The following KCNMB2 variants were observed in gnomAD, a reference collection of about 807,000 sequenced individuals.
KCNMB2 encodes the protein calcium-activated potassium channel subunit beta-2.
KCNMB2 carries 9 observed loss-of-function variants against 24.5 expected under a neutral mutation model. The ratio of observed to expected loss-of-function variants is 0.37; its 90% confidence interval spans 0.22 to 0.64. KCNMB2 has a LOEUF of 0.64. Ranked by LOEUF, KCNMB2 falls within the 30% of genes least tolerant of loss-of-function variation. The pLI, the probability that KCNMB2 is intolerant of heterozygous loss-of-function variation, is 0.63. For synonymous variants in KCNMB2, 109 were observed against 104.4 expected, an observed-to-expected ratio of 1.04 and a Z score of -0.27; for missense variants, 226 against 284.3, an observed-to-expected ratio of 0.79 and a Z score of 1.47.
chr3:178,616,008 C>A (rs2108521690), intron 1 of KCNMB2, among the ~76,000 whole-genome samples: 1 of 152,188 alleles, frequency 6.6e-6, no homozygotes, highest in Admixed American at 6.5e-5. Context: ...CTGACTGGTG[C>A]CTTATCTTGC....
At chr3:178,788,178 A>C (rs781055685) in intron 1 of KCNMB2, among the ~76,000 whole-genome samples, 5 of 152,186 alleles carry the variant, frequency 3.3e-5, no homozygotes, top group Non-Finnish European at 7.3e-5. Context: ...TAGGAGGAAC[A>C]CATGAGTTAT....
intron 1 of KCNMB2, among the ~76,000 whole-genome samples, chr3:178,725,942 T>A (rs1243547450): frequency 6.6e-6 from 1 of 151,994 alleles, no homozygotes; most frequent in Non-Finnish European, 1.5e-5. Flanking sequence ...TTGCTTTTAA[T>A]ATAATTATTA....
At chr3:178,824,397 T>C (rs1265877691) in intron 2 of KCNMB2, among the ~76,000 whole-genome samples, 1 of 152,046 alleles carries the variant, frequency 6.6e-6, no homozygotes, top group Admixed American at 6.6e-5. Context: ...AGATGGAGAC[T>C]CGCTCTTTCA....
intron 1 of KCNMB2, among the ~76,000 whole-genome samples, chr3:178,616,794 A>T (rs1037066535): frequency 2.6e-5 from 4 of 152,222 alleles, no homozygotes; most frequent in African/African-American, 9.7e-5. Context: ...CGTAGATGGA[A>T]AAACAAAAAG....
intron 1 of KCNMB2, among the ~76,000 whole-genome samples, chr3:178,658,958 A>T (rs1560152487): frequency 1.3e-5 from 2 of 152,200 alleles, no homozygotes; most frequent in Non-Finnish European, 2.9e-5. Context: ...GATTATTAAG[A>T]ATACCAGGTT....
chr3:178,660,153 A>C (rs1031614588), intron 1 of KCNMB2, among the ~76,000 whole-genome samples: 7 of 152,102 alleles, frequency 4.6e-5, no homozygotes, highest in Non-Finnish European at 8.8e-5. Flanking sequence ...TTATTACTTG[A>C]TTGCCCTTTG....
intron 2 of KCNMB2, among the ~76,000 whole-genome samples, chr3:178,820,196 G>A (rs1421906412): frequency 6.6e-6 from 1 of 152,218 alleles, no homozygotes; most frequent in Non-Finnish European, 1.5e-5. Context: ...GTAGTGAGCT[G>A]ATCCTTCAGT....
At chr3:178,594,664 T>C (rs1030538729) in intron 1 of KCNMB2, among the ~76,000 whole-genome samples, 7 of 152,108 alleles carry the variant, frequency 4.6e-5, no homozygotes, top group African/African-American at 1.4e-4. Flanking sequence ...GACAACTGGA[T>C]GTTTTAGTCT....
intron 1 of KCNMB2, among the ~76,000 whole-genome samples, chr3:178,791,105 C>G (rs1384576635): frequency 6.6e-6 from 1 of 152,172 alleles, no homozygotes; most frequent in Non-Finnish European, 1.5e-5. Flanking sequence ...TCCAGGAAAA[C>G]ATGACCTCAC....
At chr3:178,614,287 A>ATATG (rs1718616182) in intron 1 of KCNMB2, among the ~76,000 whole-genome samples, 1 of 74,496 alleles carries the variant, frequency 1.3e-5, no homozygotes, top group African/African-American at 4.4e-5. Context: ...ATATATATAT[A>ATATG]TATATATATG....
chr3:178,574,365 C>A (rs543815035), intron 1 of KCNMB2, among the ~76,000 whole-genome samples: 4 of 152,298 alleles, frequency 2.6e-5, no homozygotes, highest in South Asian at 4.1e-4. Context: ...ACTAAGTGAG[C>A]CTTATTCCTT....
intron 1 of KCNMB2, among the ~76,000 whole-genome samples, chr3:178,551,184 A>G (rs1715940221): frequency 6.6e-6 from 1 of 152,202 alleles, no homozygotes; most frequent in African/African-American, 2.4e-5. Context: ...GGAACAGTAC[A>G]GATGCTTTTT....
chr3:178,811,229 T>C lies in KCNMB2; in HGVS notation c.56+3764T>C, dbSNP rs1577206385. 2.0e-5 allele frequency among the ~76,000 whole-genome samples: 3 copies of C among 152,310 alleles called. No individual in the cohort carries two copies. The South Asian group carries it at 6.2e-4, about 32-fold the overall frequency. ...TTACATATGTTAATATACAAAGTGA[T>C]ATTATAAACATCCAGGTACCCATCA... On this transcript the variant is annotated intron_variant, in intron 2 of 4. Transcript: ENST00000452583.
chr3:178,709,230 C>T (rs1156617056), intron 1 of KCNMB2, among the ~76,000 whole-genome samples: 1 of 152,152 alleles, frequency 6.6e-6, no homozygotes, highest in African/African-American at 2.4e-5. Context: ...TTAACATCTG[C>T]TATGTGTATT....
intron 1 of KCNMB2, among the ~76,000 whole-genome samples, chr3:178,718,718 C>T (rs1288390756): frequency 6.6e-6 from 1 of 152,206 alleles, no homozygotes; most frequent in African/African-American, 2.4e-5. Flanking sequence ...CAGTTTCTTT[C>T]CACTGCCCCA....
intron 1 of KCNMB2, among the ~76,000 whole-genome samples, chr3:178,653,565 A>G (rs1720209230): frequency 6.6e-6 from 1 of 152,168 alleles, no homozygotes; most frequent in South Asian, 2.1e-4. Flanking sequence ...TAGCTTCTAT[A>G]GAGTTAAACA....
chr3:178,836,309 A>G (rs1715227119), intron 4 of KCNMB2, among the ~76,000 whole-genome samples: 1 of 150,238 alleles, frequency 6.7e-6, no homozygotes, highest in Middle Eastern at 3.2e-3. Flanking sequence ...AGATTCTGGA[A>G]GAGAGGCTAA....
intron 2 of KCNMB2, among the ~76,000 whole-genome samples, chr3:178,821,250 C>G (rs941248640): frequency 2.0e-5 from 3 of 152,120 alleles, no homozygotes; most frequent in African/African-American, 7.2e-5. Context: ...CATGGTAACT[C>G]ACACATTACA....
At chr3:178,710,847 T>C (rs1220959109) in intron 1 of KCNMB2, among the ~76,000 whole-genome samples, 2 of 152,140 alleles carry the variant, frequency 1.3e-5, no homozygotes, top group Non-Finnish European at 2.9e-5. Flanking sequence ...TGATCTGAGG[T>C]CCTTCTAATG....
Sources: allele counts gnomAD v4.1 joint callset (sites outside exome capture counted in the v4.1 genomes callset), GRCh38; gene constraint gnomAD v4.1.1; transcripts MANE v1.5; gene names NCBI Gene and HGNC (gene_info 2026-07-23, HGNC 2026-07-21).